The following COL22A1 variants were observed in gnomAD, a reference collection of about 807,000 sequenced individuals.
COL22A1 encodes collagen alpha-1(XXII) chain.
A neutral mutation model predicts 248.9 loss-of-function variants in COL22A1; 221 were observed. That is an observed-to-expected ratio of 0.89 (90% CI 0.80 to 0.99). COL22A1 has a LOEUF of 0.99. Ranked by LOEUF, COL22A1 falls within the 50% of genes least tolerant of loss-of-function variation. The pLI is 0.00. For synonymous variants in COL22A1, 891 were observed against 793.4 expected (o/e 1.12, Z -2.07); for missense variants, 2,240 against 2,179.0 (o/e 1.03, Z -0.56).
intron 55 of COL22A1, 53 bp downstream of exon 55, chr8:138,615,948 G>A: frequency 7.2e-7 from 1 of 1,397,684 alleles, no homozygotes; most frequent in South Asian, 1.2e-5. Context: ...TCACTTCCTT[G>A]ATACACCCAC....
At chr8:138,853,630 A>G (rs1461829699) in intron 3 of COL22A1, among the ~76,000 whole-genome samples, 3 of 152,360 alleles carry the variant, frequency 2.0e-5, no homozygotes, top group African/African-American at 4.8e-5. Context: ...CAACAAGCTC[A>G]TTATTCCAAG....
intron 40 of COL22A1, among the ~76,000 whole-genome samples, chr8:138,678,229 G>C (rs149780304): frequency 1.3e-5 from 2 of 152,176 alleles, no homozygotes; most frequent in Admixed American, 1.3e-4. Flanking sequence ...GAAGAGAAGG[G>C]ATGTTCATGG....
At chr8:138,749,971 C>G (rs891414240) in intron 22 of COL22A1, among the ~76,000 whole-genome samples, 5 of 152,142 alleles carry the variant, frequency 3.3e-5, no homozygotes, top group Non-Finnish European at 7.3e-5. Context: ...GTGGGAGGAA[C>G]CCGGTGGGAG....
chr8:138,835,610 C>A (rs4736000), intron 4 of COL22A1, among the ~76,000 whole-genome samples: 81,528 of 151,552 alleles, frequency 0.54, 22,640 homozygotes, highest in East Asian at 0.66. Context: ...GCAGGGCTGG[C>A]CCACAGTGCA....
intron 1 of COL22A1, among the ~76,000 whole-genome samples, chr8:138,908,470 G>A (rs1815192985): frequency 6.6e-6 from 1 of 152,220 alleles, no homozygotes. Context: ...TAGTACATCT[G>A]CTTTCTCATA....
At chr8:138,898,458 T>A (rs1814292342) in intron 1 of COL22A1, among the ~76,000 whole-genome samples, 1 of 152,122 alleles carries the variant, frequency 6.6e-6, no homozygotes, top group African/African-American at 2.4e-5. Context: ...ATGGATTGCA[T>A]CCTGATAATC....
rs371320801 is a variant in COL22A1, at chr8:138,878,051, G to C, written c.357C>G (p.Asp119Glu). The change falls in exon 3 of 65, where the codon GAC (aspartate) becomes GAG (glutamate). Residue 119 changes from aspartate (D) to glutamate (E), a missense_variant. Asp to Glu is a conservative substitution (Grantham distance 45). Coordinates refer to ENST00000303045, the MANE Select transcript of COL22A1 (RefSeq NM_152888.3). The stretch of plus-strand genomic sequence containing the variant: ...TGCGGGCCGTGATGTAGCGGAGCGC[G>C]TCTCCCGTGTTGGTGTTGCCCCCGT... ...AYHGGNTNTG[D>E]ALRYITARSF... The C allele has an allele frequency of 1.4e-5, 23 of 1,594,178 alleles. No homozygotes were observed. Among genetic ancestry groups the C allele is most frequent in the Non-Finnish European group, 2.0e-5 (23 of 1,171,038 alleles).
At chr8:138,805,327 G>GTA in intron 10 of COL22A1, among the ~76,000 whole-genome samples, 1 of 148,336 alleles carries the variant, frequency 6.7e-6, no homozygotes, top group South Asian at 2.2e-4. Flanking sequence ...GTGTGTGATG[G>GTA]TGTGGCTGTG....
At chr8:138,891,269 A>T (rs1825049170) in intron 1 of COL22A1, among the ~76,000 whole-genome samples, 1 of 152,210 alleles carries the variant, frequency 6.6e-6, no homozygotes, top group Non-Finnish European at 1.5e-5. Context: ...CAGGTGATGA[A>T]AATGTTCTAG....
intron 44 of COL22A1, among the ~76,000 whole-genome samples, chr8:138,656,905 C>T (rs543166620): frequency 6.6e-6 from 1 of 152,252 alleles, no homozygotes; most frequent in South Asian, 2.1e-4. Flanking sequence ...AGGCTGAAAC[C>T]AAGGCAGTTT....
intron 60 of COL22A1, 82 bp from the exon 61 acceptor site, chr8:138,598,980 T>A (rs192216834): frequency 1.4e-6 from 2 of 1,441,844 alleles, no homozygotes; most frequent in Non-Finnish European, 1.9e-6. Context: ...GTTCCCCCAG[T>A]CTGCCTCTTA....
chr8:138,617,262 C>T (rs768440285), intron 53 of COL22A1, among the ~76,000 whole-genome samples: 10 of 152,180 alleles, frequency 6.6e-5, no homozygotes, highest in Non-Finnish European at 1.3e-4. Context: ...CTTGTTCCTC[C>T]TGATTGTTCC....
At chr8:138,785,649 C>T (rs1815455362) in intron 12 of COL22A1, among the ~76,000 whole-genome samples, 1 of 152,170 alleles carries the variant, frequency 6.6e-6, no homozygotes. Flanking sequence ...GGATGGGCTC[C>T]TTTCTCAGGA....
chr8:138,713,825 G>A (rs1829225422), intron 30 of COL22A1, among the ~76,000 whole-genome samples: 3 of 152,118 alleles, frequency 2.0e-5, no homozygotes, highest in African/African-American at 7.2e-5. Context: ...GCTTTGACAT[G>A]AGCTGAAATA....
intron 1 of COL22A1, among the ~76,000 whole-genome samples, chr8:138,910,338 C>CACAT (rs753610648): frequency 1.6e-4 from 24 of 152,200 alleles, no homozygotes; most frequent in Non-Finnish European, 3.1e-4. Context: ...CACACACATA[C>CACAT]ACATGTACAC....
intron 43 of COL22A1, among the ~76,000 whole-genome samples, chr8:138,660,963 C>G (rs1226355026): frequency 3.1e-5 from 2 of 65,162 alleles, no homozygotes; most frequent in Admixed American, 1.6e-4. Flanking sequence ...CAGACACACA[C>G]GCACACACAC....
intron 1 of COL22A1, among the ~76,000 whole-genome samples, chr8:138,904,581 T>A (rs7828583): frequency 0.23 from 34,630 of 151,862 alleles, 4,445 homozygotes; most frequent in African/African-American, 0.36. Context: ...TATTTCTTTC[T>A]CATTTTCAGT....
At chr8:138,853,586 T>C (rs1821797096) in intron 3 of COL22A1, among the ~76,000 whole-genome samples, 1 of 152,200 alleles carries the variant, frequency 6.6e-6, no homozygotes, top group Non-Finnish European at 1.5e-5. Flanking sequence ...TGAGAGAGCA[T>C]GTGGACTGAT....
intron 12 of COL22A1, among the ~76,000 whole-genome samples, chr8:138,785,938 T>G (rs1010050799): frequency 2.0e-5 from 3 of 152,284 alleles, no homozygotes; most frequent in Non-Finnish European, 2.9e-5. Context: ...ATTAGTCTTG[T>G]GTAAGCCCCA....
Sources: allele counts gnomAD v4.1 joint callset (sites outside exome capture counted in the v4.1 genomes callset), GRCh38; gene constraint gnomAD v4.1.1; transcripts MANE v1.5; gene names NCBI Gene and HGNC (gene_info 2026-07-23, HGNC 2026-07-21).